Variants in CLCA4 observed in about 807,000 individuals in gnomAD.
The protein encoded by CLCA4 is calcium-activated chloride channel regulator 4.
In CLCA4, 69 loss-of-function variants were observed where a neutral mutation model predicts 78.9. The ratio of observed to expected loss-of-function variants is 0.87; its 90% CI spans 0.72 to 1.07. The LOEUF (loss-of-function observed/expected upper bound fraction) is 1.07, where lower values mean the gene tolerates loss of function less well. Among genes scored for constraint, CLCA4 ranks in the 50% least tolerant of loss-of-function variants. The pLI, the probability that CLCA4 is intolerant of heterozygous loss-of-function variation, is 0.00. For synonymous variants in CLCA4, 362 were observed against 375.8 expected, an observed-to-expected ratio of 0.96 and a Z score of 0.42; for missense variants, 1,133 against 1,095.8, an observed-to-expected ratio of 1.03 and a Z score of -0.48.
intron 7 of CLCA4, among the ~76,000 whole-genome samples, chr1:86,570,306 C>T (rs1650312210): frequency 6.6e-6 from 1 of 151,918 alleles, no homozygotes; most frequent in Non-Finnish European, 1.5e-5. Context: ...AAGATGCCAC[C>T]ACCAATTAAA....
intron 11 of CLCA4, among the ~76,000 whole-genome samples, chr1:86,577,677 G>GTATTT (rs754126898): frequency 4.6e-5 from 7 of 152,050 alleles, no homozygotes; most frequent in Non-Finnish European, 8.8e-5. Context: ...AAATATCAGT[G>GTATTT]TGTGTGTATG....
At chr1:86,571,277 C>T (rs775133482) in intron 8 of CLCA4, 23 bp downstream of exon 8, 3 of 1,595,404 alleles carry the variant, frequency 1.9e-6, no homozygotes, top group African/African-American at 2.7e-5. Context: ...CCATTTATTC[C>T]AGGCCTTCAA....
At chr1:86,561,351 C>T (rs1650010264) in intron 3 of CLCA4, among the ~76,000 whole-genome samples, 1 of 152,204 alleles carries the variant, frequency 6.6e-6, no homozygotes, top group Admixed American at 6.5e-5. Context: ...CACTCTTATC[C>T]TTATGTTTCA....
chr1:86,577,033 G>A (rs983218018), intron 11 of CLCA4, among the ~76,000 whole-genome samples: 11 of 152,070 alleles, frequency 7.2e-5, no homozygotes, highest in African/African-American at 2.7e-4. Context: ...TTCAACTAGA[G>A]TTGCCCCTGA....
intron 7 of CLCA4, among the ~76,000 whole-genome samples, chr1:86,570,245 C>T (rs1650310615): frequency 6.6e-6 from 1 of 151,976 alleles, no homozygotes; most frequent in Non-Finnish European, 1.5e-5. Flanking sequence ...CACTGACAAT[C>T]TGTCATTTTT....
chr1:86,566,529 A>C (rs1650194042), intron 6 of CLCA4, among the ~76,000 whole-genome samples: 1 of 152,092 alleles, frequency 6.6e-6, no homozygotes, highest in South Asian at 2.1e-4. Context: ...TGGCACATTT[A>C]AGGCATAGTG....
chr1:86,576,772 G>A (rs1212158589), intron 11 of CLCA4, among the ~76,000 whole-genome samples: 3 of 151,986 alleles, frequency 2.0e-5, no homozygotes, highest in Non-Finnish European at 1.5e-5. Flanking sequence ...TTCATCACTG[G>A]GGCATCAGAT....
rs193011877 is a variant in CLCA4, at chr1:86,552,726, A to T, written c.159+5448A>T. 10 of 1,417,932 alleles carry T rather than the reference A, an allele frequency of 7.1e-6. No individual in the cohort carries two copies. In the East Asian group the frequency reaches 2.3e-4, roughly 33 times the overall value. The allele number at this position is 1,417,932 out of a possible 1,614,324, so 87.8% of individuals were successfully genotyped here. A position where few individuals can be genotyped will look rare whatever the true frequency, so the allele number is the denominator to read the frequency against. On this transcript the variant is annotated intron_variant, in intron 1 of 13. Transcript: ENST00000370563. ...GGAGCCAAGCCCTCGAGCCCTTCAC[A>T]GGGGCCCGGCCCGGCACCCCCATCA...
chr1:86,557,970 G>A (rs953010999), intron 1 of CLCA4, among the ~76,000 whole-genome samples: 4 of 148,706 alleles, frequency 2.7e-5, no homozygotes, highest in Admixed American at 2.0e-4. Flanking sequence ...TTTTATCTTT[G>A]TTGGTTTGAA....
At chr1:86,578,407 C>A (rs1233857471) in intron 12 of CLCA4, among the ~76,000 whole-genome samples, 1 of 151,978 alleles carries the variant, frequency 6.6e-6, no homozygotes, top group Non-Finnish European at 1.5e-5. Flanking sequence ...TATGCAGGTA[C>A]TAAACCTAGT....
chr1:86,579,649 G>A, intron 13 of CLCA4, 62 bp downstream of exon 13: 1 of 837,942 alleles, frequency 1.2e-6, no homozygotes, highest in East Asian at 3.0e-5. Flanking sequence ...AAAAACAGGG[G>A]TGTAAGGGTG....
intron 3 of CLCA4, among the ~76,000 whole-genome samples, chr1:86,561,646 G>A (rs945220225): frequency 6.6e-6 from 1 of 152,094 alleles, no homozygotes; most frequent in Admixed American, 6.6e-5. Context: ...TGATAAAACA[G>A]AGGTCTCTAC....
chr1:86,552,928 G>C, intron 1 of CLCA4: 1 of 655,672 alleles, frequency 1.5e-6, no homozygotes, highest in Non-Finnish European at 2.8e-6. Flanking sequence ...CTCCCTCTGC[G>C]GGTGCCTCGG....
chr1:86,559,406 A>G (rs1649947152), intron 1 of CLCA4, among the ~76,000 whole-genome samples: 1 of 152,112 alleles, frequency 6.6e-6, no homozygotes, highest in Non-Finnish European at 1.5e-5. Context: ...CTCAGTTTGC[A>G]TCAACTAAGC....
intron 1 of CLCA4, among the ~76,000 whole-genome samples, chr1:86,551,293 C>G (rs1228074757): frequency 2.0e-5 from 3 of 152,096 alleles, no homozygotes; most frequent in Non-Finnish European, 4.4e-5. Flanking sequence ...TATGCCTTGT[C>G]TATTTTCTTT....
At chr1:86,559,297 T>C (rs571875276) in intron 1 of CLCA4, among the ~76,000 whole-genome samples, 2 of 152,300 alleles carry the variant, frequency 1.3e-5, no homozygotes, top group South Asian at 2.1e-4. Flanking sequence ...GGGTTTTTTT[T>C]CATCACACCT....
chr1:86,564,636 T>C (rs1176423034), intron 4 of CLCA4, among the ~76,000 whole-genome samples: 1 of 152,140 alleles, frequency 6.6e-6, no homozygotes, highest in Non-Finnish European at 1.5e-5. Context: ...ACTGAAAGCC[T>C]ATTGAAAAGA....
intron 7 of CLCA4, among the ~76,000 whole-genome samples, chr1:86,570,433 T>C (rs917594079): frequency 3.3e-5 from 5 of 152,046 alleles, no homozygotes; most frequent in African/African-American, 9.7e-5. Flanking sequence ...AGGAAAAGGA[T>C]ACAAGCTACA....
At chr1:86,547,320 T>C (rs1649534122) in intron 1 of CLCA4, 42 bp downstream of exon 1, 2 of 1,435,856 alleles carry the variant, frequency 1.4e-6, no homozygotes, top group African/African-American at 1.5e-5. Flanking sequence ...TTTTAGTTTT[T>C]TACTATTATT....
Sources: gnomAD v4.1 joint callset for allele counts (sites outside exome capture counted in the v4.1 genomes callset) on GRCh38, gnomAD v4.1.1 for gene constraint, MANE v1.5 for transcripts, NCBI Gene and HGNC (gene_info 2026-07-23, HGNC 2026-07-21) for gene names.